The following DDX10 variants were observed in gnomAD, a reference collection of about 807,000 sequenced individuals.
The protein encoded by DDX10 is DEAD-box helicase 10.
DDX10 carries 74 observed loss-of-function variants against 104.3 expected under a neutral mutation model. The ratio of observed to expected loss-of-function variants is 0.71; its 90% CI spans 0.59 to 0.86. DDX10 has a LOEUF of 0.86. Ranked by LOEUF, DDX10 falls within the 40% of genes least tolerant of loss-of-function variation. DDX10 has a pLI of 0.00. For missense variants in DDX10, 952 were observed against 1,040.0 expected (o/e 0.92, Z 1.16); for synonymous variants, 351 against 353.4 (o/e 0.99, Z 0.08).
Position 108,838,570 on chromosome 11 carries a change from G to C in DDX10, c.2085+5G>C. 6.2e-7 allele frequency: 1 copy of C among 1,603,918 alleles called. No homozygotes were observed. The highest frequency in any genetic ancestry group is 8.5e-7 in the Non-Finnish European group (1 of 1,175,668). On this transcript the variant is annotated splice_donor_5th_base_variant and intron_variant, in intron 14 of 17. Coordinates refer to ENST00000322536, the MANE Select transcript of DDX10 (RefSeq NM_004398.4). Reference sequence around the variant, plus strand: ...ACATTTACTGATGAAGGGGAGGTAAGATTCTAGAAGTGTTTCATTTCTGAG... The same window carrying C: ...ACATTTACTGATGAAGGGGAGGTAACATTCTAGAAGTGTTTCATTTCTGAG...
chr11:108,860,895 A>G (rs1199875189), intron 16 of DDX10: 2 of 152,048 alleles, frequency 1.3e-5, no homozygotes, highest in Non-Finnish European at 2.9e-5. Flanking sequence ...CCATATCTTA[A>G]AGGAGAAAAA....
In DDX10 at chr11:108,911,553, C is replaced by CTTTTTTTTTT. The variant is rs1565316439; in HGVS notation, c.2305-6318_2305-6317insTTTTTTTTTT. ...CCAGTTCCCAAAAGCTTTGCCTCCT[C>CTTTTTTTTTT]TTCTTTTTTTTTTTTTTTTTTTTTT... On this transcript the variant is annotated intron_variant, in intron 16 of 17. Transcript: ENST00000322536. 3.4e-5 allele frequency among the ~76,000 whole-genome samples: 4 copies of CTTTTTTTTTT among 117,146 alleles called. 1 individual carries two copies. The highest frequency in any genetic ancestry group is 9.9e-5 in the African/African-American group (3 of 30,420). The allele number at this position is 117,146 out of a possible 152,430, so 76.9% of individuals were successfully genotyped here. A position where few individuals can be genotyped will look rare whatever the true frequency, so the allele number is the denominator to read the frequency against.
chr11:108,863,413 A>G (rs1862965605), intron 16 of DDX10, among the ~76,000 whole-genome samples: 1 of 152,146 alleles, frequency 6.6e-6, no homozygotes, highest in African/African-American at 2.4e-5. Context: ...AATTAAGTGC[A>G]GTTGTTTTAT....
chr11:108,812,871 A>G (rs1459665120), intron 13 of DDX10, among the ~76,000 whole-genome samples: 2 of 150,336 alleles, frequency 1.3e-5, no homozygotes, highest in Non-Finnish European at 3.0e-5. Flanking sequence ...AATCCCAGCT[A>G]CTCAGGAGGC....
At chr11:108,778,331 G>T (rs2094372952) in intron 13 of DDX10, among the ~76,000 whole-genome samples, 1 of 152,172 alleles carries the variant, frequency 6.6e-6, no homozygotes, top group Non-Finnish European at 1.5e-5. Flanking sequence ...GCATGGTACT[G>T]GTACCAAAAC....
chr11:108,766,699 C>T (rs2094356793), intron 13 of DDX10, among the ~76,000 whole-genome samples: 2 of 151,924 alleles, frequency 1.3e-5, no homozygotes, highest in Non-Finnish European at 1.5e-5. Flanking sequence ...TTTAATAAGC[C>T]GGGGAAGTGC....
intron 16 of DDX10, among the ~76,000 whole-genome samples, chr11:108,914,847 A>AC (rs991176903): frequency 1.3e-5 from 2 of 151,362 alleles, no homozygotes; most frequent in Non-Finnish European, 1.5e-5. Flanking sequence ...AAAAAAAAAA[A>AC]AACTGGAAAT....
chr11:108,825,178 A>G (rs984404725), intron 13 of DDX10, among the ~76,000 whole-genome samples: 3 of 152,176 alleles, frequency 2.0e-5, no homozygotes, highest in African/African-American at 7.2e-5. Context: ...AAATTAAGAA[A>G]CTTATGTTAA....
At chr11:108,879,931 A>C (rs968076459) in intron 16 of DDX10, among the ~76,000 whole-genome samples, 2 of 152,152 alleles carry the variant, frequency 1.3e-5, no homozygotes, top group African/African-American at 2.4e-5. Context: ...TTTCAGCTTT[A>C]AGACATGATG....
chr11:108,757,252 CGT>C (rs1565269212), intron 13 of DDX10, among the ~76,000 whole-genome samples: 1 of 152,034 alleles, frequency 6.6e-6, no homozygotes, highest in Non-Finnish European at 1.5e-5. Flanking sequence ...CCAAGATTCA[CGT>C]TGCATTTCAA....
chr11:108,794,742 T>C (rs1334926112), intron 13 of DDX10, among the ~76,000 whole-genome samples: 2 of 152,146 alleles, frequency 1.3e-5, no homozygotes, highest in Non-Finnish European at 2.9e-5. Context: ...TCTTTTTATA[T>C]GTAGCTTGGT....
intron 16 of DDX10, among the ~76,000 whole-genome samples, chr11:108,859,862 A>G (rs981619434): frequency 6.6e-6 from 1 of 152,124 alleles, no homozygotes; most frequent in African/African-American, 2.4e-5. Context: ...ATTTGCCTAT[A>G]TTTTTGTATG....
chr11:108,803,503 A>T (rs1862053579), intron 13 of DDX10, among the ~76,000 whole-genome samples: 1 of 151,012 alleles, frequency 6.6e-6, no homozygotes. Context: ...CTCAGGCAGG[A>T]GAATTGCTTG....
intron 13 of DDX10, among the ~76,000 whole-genome samples, chr11:108,752,194 G>C (rs967712552): frequency 1.3e-5 from 2 of 152,104 alleles, no homozygotes; most frequent in Non-Finnish European, 2.9e-5. Flanking sequence ...TTTGAACACA[G>C]ATACTGGCTT....
In DDX10 at chr11:108,692,020, A is replaced by G. The variant is rs560196334; in HGVS notation, c.1120A>G (p.Ile374Val). ...AGCTGCAGTACTCTTTGCTACTGAT[A>G]TTGCAGCCAGGGGTCTGGGTAAGAA... The part of the protein sequence containing the change: ...KRAAVLFATD[I>V]AARGLDFPAV... Residue 374 changes from isoleucine to valine, a missense_variant, in exon 8 of 18, where the codon ATT (isoleucine) becomes GTT (valine). By Grantham distance (29) the Ile-to-Val change is conservative (BLOSUM62 3). This residue lies in a region of DDX10 where 412 missense variants were observed against 479.2 expected (regional missense o/e 0.86). Transcript: ENST00000322536. The G allele has an allele frequency of 6.2e-7, 1 of 1,610,650 alleles. No homozygotes were observed. Among genetic ancestry groups the G allele is most frequent in the Admixed American group, 1.7e-5 (1 of 59,456 alleles).
intron 16 of DDX10, among the ~76,000 whole-genome samples, chr11:108,861,153 AG>A (rs1862936423): frequency 6.6e-6 from 1 of 151,508 alleles, no homozygotes; most frequent in African/African-American, 2.4e-5. Flanking sequence ...AATATAAAGC[AG>A]GCAGAAAAAT....
chr11:108,825,337 A>C (rs979767483), intron 13 of DDX10, among the ~76,000 whole-genome samples: 18 of 152,172 alleles, frequency 1.2e-4, no homozygotes, highest in African/African-American at 4.1e-4. Context: ...TTTTCTTAAG[A>C]TATTTAATTA....
intron 13 of DDX10, among the ~76,000 whole-genome samples, chr11:108,837,658 C>G (rs906073072): frequency 1.0e-5 from 1 of 99,270 alleles, no homozygotes; most frequent in African/African-American, 3.9e-5. Context: ...AAGCCTTGCT[C>G]TGTCCTCAGG....
intron 13 of DDX10, among the ~76,000 whole-genome samples, chr11:108,782,221 T>C (rs1182211644): frequency 6.6e-6 from 1 of 152,220 alleles, no homozygotes; most frequent in Non-Finnish European, 1.5e-5. Context: ...TTAGGAATTG[T>C]AGTTCCCACA....
Sources: gnomAD v4.1 joint callset for allele counts (sites outside exome capture counted in the v4.1 genomes callset) on GRCh38, gnomAD v4.1.1 for gene constraint, gnomAD v4.1.1 regional missense constraint, MANE v1.5 for transcripts, NCBI Gene and HGNC (gene_info 2026-07-23, HGNC 2026-07-21) for gene names.